The following MBP variants were observed in gnomAD, a reference collection of about 807,000 sequenced individuals.
MBP encodes Golli-MBP.
MBP carries 16 observed loss-of-function variants against 35.8 expected under a neutral mutation model. That is an observed-to-expected ratio of 0.45 (90% CI 0.30 to 0.68). The LOEUF (loss-of-function observed/expected upper bound fraction) is 0.68. MBP is among the 30% of genes least tolerant of loss of function. The pLI, the probability that MBP is intolerant of heterozygous loss-of-function variation, is 0.08. For synonymous variants in MBP, 143 were observed against 159.6 expected (o/e 0.90, Z 0.78); for missense variants, 380 against 404.7 (o/e 0.94, Z 0.52).
chr18:77,105,147 C>T, intron 2 of MBP, 64 bp downstream of exon 2: 1 of 1,537,268 alleles, frequency 6.5e-7, no homozygotes, highest in Non-Finnish European at 9.0e-7. Context: ...CTCTGACACA[C>T]CAAGGGGATT....
intron 2 of MBP, among the ~76,000 whole-genome samples, chr18:77,079,464 C>G (rs776898034): frequency 6.6e-6 from 1 of 152,198 alleles, no homozygotes; most frequent in Non-Finnish European, 1.5e-5. Flanking sequence ...TGGAATCTCT[C>G]AAAGGTAAAT....
At chr18:77,023,519 TG>T (rs1972074738) in intron 3 of MBP, among the ~76,000 whole-genome samples, 1 of 152,110 alleles carries the variant, frequency 6.6e-6, no homozygotes, top group Non-Finnish European at 1.5e-5. Flanking sequence ...GATCCCTTCG[TG>T]GGTTCCACTG....
intron 3 of MBP, among the ~76,000 whole-genome samples, chr18:77,041,893 C>T (rs549146978): frequency 6.6e-6 from 1 of 150,770 alleles, no homozygotes; most frequent in East Asian, 2.0e-4. Flanking sequence ...CAAACCTGCA[C>T]GTTGTGCACA....
intron 7 of MBP, 38 bp from the exon 8 acceptor site, chr18:76,984,932 G>A (rs1162281843): frequency 2.5e-6 from 4 of 1,608,688 alleles, no homozygotes; most frequent in Admixed American, 1.7e-5. Context: ...CTCCACCCGC[G>A]GTGCTGGGCA....
intron 8 of MBP, chr18:76,981,564 A>G (rs1969204085): frequency 6.6e-6 from 1 of 152,024 alleles, no homozygotes; most frequent in Admixed American, 6.5e-5. Flanking sequence ...TGCTTACACA[A>G]CTCACTCAAG....
intron 4 of MBP, among the ~76,000 whole-genome samples, chr18:76,996,157 T>A (rs1970256183): frequency 6.6e-6 from 1 of 152,214 alleles, no homozygotes; most frequent in South Asian, 2.1e-4. Flanking sequence ...ACCGTTAGAA[T>A]GGCTGAAATA....
At chr18:76,995,331 C>T (rs1406443622) in intron 4 of MBP, among the ~76,000 whole-genome samples, 1 of 152,114 alleles carries the variant, frequency 6.6e-6, no homozygotes, top group Admixed American at 6.5e-5. Flanking sequence ...TAGCTAGAGA[C>T]AGGTGGATTC....
At chr18:77,103,303 C>T (rs1018310900) in intron 2 of MBP, among the ~76,000 whole-genome samples, 3 of 152,114 alleles carry the variant, frequency 2.0e-5, no homozygotes, top group East Asian at 1.9e-4. Flanking sequence ...AATTCAATTC[C>T]GTTCAATTCC....
chr18:77,111,812 C>T (rs901969237), intron 1 of MBP, among the ~76,000 whole-genome samples: 1 of 152,202 alleles, frequency 6.6e-6, no homozygotes, highest in Non-Finnish European at 1.5e-5. Flanking sequence ...GTCGGAGGGG[C>T]AGGCCCTATA....
chr18:77,025,754 C>T (rs1169765408), intron 3 of MBP, among the ~76,000 whole-genome samples: 1 of 127,792 alleles, frequency 7.8e-6, no homozygotes, highest in African/African-American at 3.1e-5. Context: ...GTGCTCCATT[C>T]CCCTGCATCC....
intron 3 of MBP, among the ~76,000 whole-genome samples, chr18:77,058,167 C>G (rs79538952): frequency 0.11 from 16,491 of 152,124 alleles, 1,163 homozygotes; most frequent in Non-Finnish European, 0.15. Flanking sequence ...TGCACCGGCT[C>G]TTCAGGGACC....
Position 77,007,383 on chromosome 18 carries a change from G to A in MBP, c.576+9449C>T, listed in dbSNP as rs3794838. 1.3e-4 allele frequency among the ~76,000 whole-genome samples: 20 copies of A among 152,272 alleles called. No individual in the cohort carries two copies. The East Asian group carries it at 3.5e-3, about 27-fold the overall frequency. The stretch of plus-strand genomic sequence containing the variant: ...CCGTCTTCGGGCAGGGGCACCCCTG[G>A]GGGCTCTCAGACCAGCCCGCCTGCA... On this transcript the variant is annotated intron_variant, in intron 4 of 8. Coordinates refer to ENST00000355994, the MANE Select transcript of MBP (RefSeq NM_001025101.2).
intron 3 of MBP, chr18:77,017,536 T>C (rs1202480037): frequency 1.2e-5 from 4 of 332,044 alleles, no homozygotes; most frequent in African/African-American, 8.5e-5. Flanking sequence ...GATGAAGTCA[T>C]CTGAGCATGC....
chr18:77,123,519 A>C (rs1976951496), intron 1 of MBP, among the ~76,000 whole-genome samples: 1 of 152,244 alleles, frequency 6.6e-6, no homozygotes, highest in Non-Finnish European at 1.5e-5. Context: ...CGAGGCACTC[A>C]CGGTCTGTTT....
rs1173271803 is a variant in MBP, at chr18:77,066,263, T to G, written c.139+35A>C. The stretch of plus-strand genomic sequence containing the variant: ...AGAGTGCAGGTGCACGCTGTCACCA[T>G]GTGGCGCCATGTTGCCGATATCTGC... On this transcript the variant is annotated intron_variant, in intron 3 of 8. Coordinates refer to ENST00000355994, the MANE Select transcript of MBP (RefSeq NM_001025101.2). 4 of 1,516,446 alleles carry G rather than the reference T, an allele frequency of 2.6e-6. No individual in the cohort carries two copies. In the Admixed American group the frequency reaches 6.8e-5, roughly 26 times the overall value. The allele number at this position is 1,516,446 out of a possible 1,614,324, so 93.9% of individuals were successfully genotyped here.
At chr18:77,130,456 C>G (rs367966701) in intron 1 of MBP, among the ~76,000 whole-genome samples, 2 of 138,682 alleles carry the variant, frequency 1.4e-5, no homozygotes, top group African/African-American at 6.4e-5. Flanking sequence ...AGGGCCGTCC[C>G]GACTGTTATC....
At chr18:77,106,516 C>G (rs1279239288) in intron 1 of MBP, among the ~76,000 whole-genome samples, 1 of 152,158 alleles carries the variant, frequency 6.6e-6, no homozygotes, top group Non-Finnish European at 1.5e-5. Flanking sequence ...CAGCCGACCA[C>G]AGACTGGAAA....
At chr18:77,074,664 G>A (rs1224919255) in intron 2 of MBP, among the ~76,000 whole-genome samples, 1 of 152,134 alleles carries the variant, frequency 6.6e-6, no homozygotes, top group Non-Finnish European at 1.5e-5. Flanking sequence ...GGAAAGGGAA[G>A]CCAGGCACAG....
intron 3 of MBP, chr18:77,065,829 G>C (rs563341970): frequency 6.6e-4 from 102 of 154,874 alleles, no homozygotes; most frequent in Non-Finnish European, 1.2e-3. Flanking sequence ...GGGGAGGAAG[G>C]GGCTGTATCT....
Sources: gnomAD v4.1 joint callset for allele counts (sites outside exome capture counted in the v4.1 genomes callset) on GRCh38, gnomAD v4.1.1 for gene constraint, MANE v1.5 for transcripts, NCBI Gene and HGNC (gene_info 2026-07-23, HGNC 2026-07-21) for gene names.